Variants in ASIC2 observed in about 807,000 individuals in gnomAD.
The protein encoded by ASIC2 is acid-sensing ion channel 2.
ASIC2 carries 25 observed loss-of-function variants against 57.3 expected under a neutral mutation model. The observed-to-expected ratio is 0.44, with a 90% CI of 0.32 to 0.61. The LOEUF is 0.61. ASIC2 is among the 20% of genes least tolerant of loss of function. ASIC2 has a pLI of 0.06. For synonymous variants in ASIC2, 319 were observed against 307.5 expected (o/e 1.04, Z -0.39); for missense variants, 641 against 738.1 (o/e 0.87, Z 1.52).
chr17:33,703,618 A>G (rs990123014), intron 1 of ASIC2, among the ~76,000 whole-genome samples: 2 of 152,114 alleles, frequency 1.3e-5, no homozygotes, highest in African/African-American at 4.8e-5. Flanking sequence ...CTCCCAAAGT[A>G]CTGGGATTAC....
chr17:33,280,570 C>T (rs1261051743), intron 1 of ASIC2, among the ~76,000 whole-genome samples: 1 of 152,130 alleles, frequency 6.6e-6, no homozygotes, highest in African/African-American at 2.4e-5. Flanking sequence ...ATGAGGATCC[C>T]CCAACCCGAG....
chr17:33,932,945 A>C (rs1054319668), intron 1 of ASIC2, among the ~76,000 whole-genome samples: 25 of 152,032 alleles, frequency 1.6e-4, no homozygotes, highest in African/African-American at 6.0e-4. Context: ...AGAAAGATCA[A>C]GAAGGCAAAG....
At chr17:33,219,744 A>G (rs1907626077) in intron 1 of ASIC2, among the ~76,000 whole-genome samples, 4 of 152,210 alleles carry the variant, frequency 2.6e-5, no homozygotes, top group Admixed American at 2.0e-4. Context: ...AAATCCCGCT[A>G]CCAGAGTGGG....
At chr17:33,725,455 G>A (rs190453161) in intron 1 of ASIC2, among the ~76,000 whole-genome samples, 2 of 152,320 alleles carry the variant, frequency 1.3e-5, no homozygotes, top group Non-Finnish European at 1.5e-5. Flanking sequence ...AGGGTCAGAA[G>A]GGCCTGATTG....
intron 1 of ASIC2, among the ~76,000 whole-genome samples, chr17:34,055,371 T>C (rs1433373474): frequency 6.6e-6 from 1 of 152,222 alleles, no homozygotes; most frequent in Non-Finnish European, 1.5e-5. Flanking sequence ...TTACAGATCA[T>C]TTACTCCCTG....
chr17:33,803,592 T>C (rs74251465), intron 1 of ASIC2, among the ~76,000 whole-genome samples: 11,599 of 147,428 alleles, frequency 0.079, 491 homozygotes, highest in East Asian at 0.18. Context: ...TTTTCTTTTT[T>C]TTTTTTTTTT....
intron 1 of ASIC2, among the ~76,000 whole-genome samples, chr17:34,085,097 G>C (rs1390342537): frequency 1.3e-5 from 2 of 152,270 alleles, no homozygotes; most frequent in East Asian, 1.9e-4. Context: ...TGGTGAGAGA[G>C]GGCATCCCCG....
At chr17:33,129,007 T>C (rs1176129222) in intron 1 of ASIC2, among the ~76,000 whole-genome samples, 1 of 152,228 alleles carries the variant, frequency 6.6e-6, no homozygotes, top group Non-Finnish European at 1.5e-5. Flanking sequence ...TAGCTTAGCA[T>C]AGGCACTCAG....
chr17:33,638,614 T>A (rs575048930), intron 1 of ASIC2, among the ~76,000 whole-genome samples: 2 of 152,286 alleles, frequency 1.3e-5, no homozygotes, highest in African/African-American at 4.8e-5. Context: ...GAGAGTATTA[T>A]ATCTTGGATA....
At chr17:33,018,132 G>T (rs1007921715) in intron 7 of ASIC2, among the ~76,000 whole-genome samples, 1 of 152,186 alleles carries the variant, frequency 6.6e-6, no homozygotes, top group Non-Finnish European at 1.5e-5. Flanking sequence ...CCACCTTAGG[G>T]CACCTCCCAC....
chr17:34,099,425 AAG>A (rs1240034173), intron 1 of ASIC2, among the ~76,000 whole-genome samples: 4 of 136,852 alleles, frequency 2.9e-5, no homozygotes, highest in Admixed American at 7.3e-5. Context: ...GAAAGAATGA[AAG>A]AAAGAAGAAA....
At chr17:33,466,950 T>A (rs1912886203) in intron 1 of ASIC2, among the ~76,000 whole-genome samples, 1 of 152,138 alleles carries the variant, frequency 6.6e-6, no homozygotes, top group Admixed American at 6.5e-5. Context: ...ACTTCATGAC[T>A]AAAACACAAA....
intron 1 of ASIC2, among the ~76,000 whole-genome samples, chr17:33,879,899 A>T (rs1001815878): frequency 1.4e-4 from 22 of 152,336 alleles, no homozygotes; most frequent in African/African-American, 5.3e-4. Context: ...AATTGTAACA[A>T]ACTGTCTCTC....
chr17:33,179,478 T>G (rs2142057237), intron 1 of ASIC2, among the ~76,000 whole-genome samples: 1 of 152,214 alleles, frequency 6.6e-6, no homozygotes, highest in East Asian at 1.9e-4. Flanking sequence ...GATCCCACTT[T>G]ACCTGGCAGG....
intron 1 of ASIC2, among the ~76,000 whole-genome samples, chr17:33,436,245 C>T (rs533617826): frequency 1.9e-3 from 293 of 152,324 alleles, no homozygotes; most frequent in Middle Eastern, 3.4e-3. Context: ...CTTTGTAAGA[C>T]TAATGAAAGG....
intron 1 of ASIC2, among the ~76,000 whole-genome samples, chr17:33,529,082 T>C (rs2141959637): frequency 6.6e-6 from 1 of 152,342 alleles, no homozygotes; most frequent in South Asian, 2.1e-4. Flanking sequence ...ATGAGTCAGC[T>C]TCCAAGGCTG....
chr17:33,039,869 C>T (rs2091923320), intron 3 of ASIC2, among the ~76,000 whole-genome samples: 1 of 152,212 alleles, frequency 6.6e-6, no homozygotes, highest in Non-Finnish European at 1.5e-5. Flanking sequence ...CTTTCTCTCT[C>T]ACTCATGTGC....
chr17:33,687,429 G>A (rs1159493), intron 1 of ASIC2, among the ~76,000 whole-genome samples: 74,749 of 152,014 alleles, frequency 0.49, 18,742 homozygotes, highest in African/African-American at 0.57. Flanking sequence ...TTTCTCATGC[G>A]TCAGGATAGA....
intron 1 of ASIC2, among the ~76,000 whole-genome samples, chr17:33,790,164 G>C (rs932707637): frequency 6.6e-6 from 1 of 152,108 alleles, no homozygotes; most frequent in Non-Finnish European, 1.5e-5. Flanking sequence ...TTTTCAAATG[G>C]CATTTTGCAA....
Sources: allele counts gnomAD v4.1 joint callset (sites outside exome capture counted in the v4.1 genomes callset), GRCh38; gene constraint gnomAD v4.1.1; transcripts MANE v1.5; gene names NCBI Gene and HGNC (gene_info 2026-07-23, HGNC 2026-07-21).